Variants in CAMTA2 observed in about 807,000 individuals in gnomAD.
CAMTA2 encodes the protein calmodulin binding transcription activator 2.
In CAMTA2, 56 loss-of-function variants were observed where a neutral mutation model predicts 135.7. The ratio of observed to expected loss-of-function variants is 0.41; its 90% CI spans 0.33 to 0.52. CAMTA2 has a LOEUF of 0.52. Among genes scored for constraint, CAMTA2 ranks in the 20% least tolerant of loss-of-function variants. The probability of loss-of-function intolerance (pLI) is 0.16; values close to 1 mark genes in which losing one functional copy is unlikely to be tolerated. For synonymous variants in CAMTA2, 591 were observed against 604.6 expected, an observed-to-expected ratio of 0.98 and a Z score of 0.33; for missense variants, 1,358 against 1,553.4, an observed-to-expected ratio of 0.87 and a Z score of 2.11.
intron 6 of CAMTA2, 84 bp from the exon 7 acceptor site, chr17:4,981,915 AC>A: frequency 7.1e-7 from 1 of 1,400,568 alleles, no homozygotes; most frequent in Non-Finnish European, 9.7e-7. Flanking sequence ...CTTCCTGGGC[AC>A]CCTCCTAACC....
chr17:4,978,710 G>T, intron 9 of CAMTA2, 80 bp from the exon 10 acceptor site: 1 of 1,509,000 alleles, frequency 6.6e-7, no homozygotes, highest in Non-Finnish European at 9.0e-7. Flanking sequence ...GACCCTTACA[G>T]GGTATCTACT....
At position 4,979,706 on chromosome 17, in the gene CAMTA2, G is replaced by A; in HGVS notation, c.1616C>T (p.Ser539Phe). Reference sequence around the variant, plus strand: ...CACCTCTGGGTAGGACCACTCTGGGGAGAAGTCTGTGATGGTGCTAAGAGC... The same window carrying A: ...CACCTCTGGGTAGGACCACTCTGGGAAGAAGTCTGTGATGGTGCTAAGAGC... ...SPALSTITDF[S>F]PEWSYPEGGV... Residue 539 changes from serine (S) to phenylalanine (F), a missense_variant, in exon 9 of 23, where the codon TCC (serine) becomes TTC (phenylalanine). Physicochemically the swap from Ser to Phe is radical, Grantham distance 155 (BLOSUM62 -2). Around this residue, in one of 4 missense-constraint regions of CAMTA2, gnomAD observed 1,077 missense variants for 1,127.5 expected, o/e 0.96. Coordinates refer to ENST00000348066, the MANE Select transcript of CAMTA2 (RefSeq NM_015099.4). 6.2e-7 allele frequency: 1 copy of A among 1,613,702 alleles called. No individual in the cohort carries two copies. Among genetic ancestry groups the A allele is most frequent in the Non-Finnish European group, 8.5e-7 (1 of 1,179,740 alleles).
intron 7 of CAMTA2, 38 bp from the exon 8 acceptor site, chr17:4,981,397 GA>G (rs1972953276): frequency 6.2e-7 from 1 of 1,607,850 alleles, no homozygotes; most frequent in African/African-American, 1.3e-5. Flanking sequence ...GGATCCCCAC[GA>G]AACAGGCCCC....
chr17:4,974,230 T>G, intron 12 of CAMTA2, 155 bp downstream of exon 12: 1 of 598,522 alleles, frequency 1.7e-6, no homozygotes, highest in East Asian at 2.9e-5. Flanking sequence ...TGCCACAAGG[T>G]GGGGATGGGA....
In CAMTA2 at chr17:4,972,843, T is replaced by C; in HGVS notation, c.2429A>G (p.Glu810Gly). 6.2e-7 allele frequency: 1 copy of C among 1,613,838 alleles called. No individual in the cohort carries two copies. Among genetic ancestry groups the C allele is most frequent in the Non-Finnish European group, 8.5e-7 (1 of 1,180,014 alleles). ...CGAAGGCTCCTGTCTCTGTAGTTCC[T>C]CAAGGCAGCGGGCAAGGCGCACATG... ...RGHVRLARCL[E>G]ELQRQEPSVE... Residue 810 changes from glutamate (E) to glycine (G), a missense_variant, in exon 15 of 23, where the codon GAG becomes GGG. By Grantham distance (98) the Glu-to-Gly change is moderately conservative. This residue lies in a region of CAMTA2 where 1,077 missense variants were observed against 1,127.5 expected (regional missense o/e 0.96). Coordinates refer to ENST00000348066, the MANE Select transcript of CAMTA2 (RefSeq NM_015099.4).
rs1376249838 is a variant in CAMTA2 at position 4,980,890 on chromosome 17, T to TA, written c.701-270dup. On this transcript the variant is annotated intron_variant, in intron 8 of 22. Coordinates refer to ENST00000348066, the MANE Select transcript of CAMTA2 (RefSeq NM_015099.4). This position sits in a 1 kb window ranked among gnomAD's most constrained non-coding sequence, Gnocchi z 5.3. ...TGGGAGAGTAGCTAAAAGCAAAAGT[T>TA]AAAGGCATAGGAAAAGGACAAAAGA... 6.6e-6 allele frequency among the ~76,000 whole-genome samples: 1 copy of TA among 151,586 alleles called. No homozygotes were observed. Among genetic ancestry groups the TA allele is most frequent in the Non-Finnish European group, 1.5e-5 (1 of 67,844 alleles).
At position 4,968,536 on chromosome 17, in the gene CAMTA2, G is replaced by A. The variant is rs752090189; in HGVS notation, c.*220C>T. 15 of 598,964 alleles carry A rather than the reference G, an allele frequency of 2.5e-5. No individual in the cohort carries two copies. Among genetic ancestry groups the A allele is most frequent in the Non-Finnish European group, 4.5e-5 (15 of 335,688 alleles). 37.1% of individuals were successfully genotyped at this position (598,964 alleles called of 1,614,324 possible). A position where few individuals can be genotyped will look rare whatever the true frequency, so the allele number is the denominator to read the frequency against. ...GAAGATGCAGGTATGTGGGGCGCGG[G>A]TTTTCTGGAGCCAGGACCAAAAGAG... is the stretch of plus-strand genomic sequence containing the variant. On this transcript the variant is annotated 3_prime_UTR_variant, in exon 23 of 23. Transcript: ENST00000348066.
At position 4,970,008 on chromosome 17, in the gene CAMTA2, C is replaced by T. The variant is rs1284021157; in HGVS notation, c.3083G>A (p.Ser1028Asn). 1 of 1,614,078 alleles carries T rather than the reference C, an allele frequency of 6.2e-7. No individual in the cohort carries two copies. Among genetic ancestry groups the T allele is most frequent in the African/African-American group, 1.3e-5 (1 of 74,934 alleles). The change falls in exon 18 of 23, where the codon AGT (serine) becomes AAT (asparagine). Residue 1028 changes from serine (S) to asparagine (N), a missense_variant. Around this residue, in one of 4 missense-constraint regions of CAMTA2, gnomAD observed 9 missense variants for 27.9 expected, o/e 0.32. Transcript: ENST00000348066. The part of the protein sequence containing the change: ...SWAEFLSAST[S>N]GKMESDFALL... ...GGCAAAATCACTTTCCATCTTGCCA[C>T]TGGTGGATGCAGAGAGAAACTCTGC...
chr17:4,983,736 A>T (rs1257922295), intron 3 of CAMTA2: 1 of 151,814 alleles, frequency 6.6e-6, no homozygotes, highest in Non-Finnish European at 1.5e-5. Flanking sequence ...GGCACTTGCC[A>T]CCGTGCCCAG....
chr17:4,983,378 G>A (rs1006356124), intron 3 of CAMTA2: 2 of 223,598 alleles, frequency 8.9e-6, no homozygotes, highest in East Asian at 1.2e-4. Flanking sequence ...TGCCTCCCGG[G>A]TTCAAGCAAT....
In CAMTA2 at chr17:4,972,450, G is replaced by T. The variant is rs779694510; in HGVS notation, c.2590C>A (p.Pro864Thr). The T allele has an allele frequency of 6.2e-7, 1 of 1,613,554 alleles. No homozygotes were observed. The highest frequency in any genetic ancestry group is 1.7e-5 in the Admixed American group (1 of 59,892). ...SAYSSAPDGS[P>T]PPAPLPASEM... ...GAGGCTGGCAGAGGTGCAGGGGGGG[G>T]ACTGCCATCTGGGGCACTAGAATAG... is the stretch of plus-strand genomic sequence containing the variant. The change falls in exon 16 of 23, where the codon CCC (proline) becomes ACC (threonine). Residue 864 changes from proline to threonine, a missense_variant. Physicochemically the swap from Pro to Thr is conservative, Grantham distance 38. Transcript: ENST00000348066.
Position 4,969,607 on chromosome 17 carries a change from C to G in CAMTA2, c.3261+23G>C, listed in dbSNP as rs751729751. 6.2e-7 allele frequency: 1 copy of G among 1,614,030 alleles called. No homozygotes were observed. ...GTGGGTTGGTGGGTTGCTGGTTACA[C>G]TTTTGAGGGAGAAGGGTCTCACCTG... On this transcript the variant is annotated intron_variant, in intron 19 of 22. Coordinates refer to ENST00000348066, the MANE Select transcript of CAMTA2 (RefSeq NM_015099.4). This position sits in a 1 kb window ranked among gnomAD's most constrained non-coding sequence, Gnocchi z 5.6.
At position 4,987,579 on chromosome 17, in the gene CAMTA2, G is replaced by A. The variant is rs1286453538; in HGVS notation, c.-65+14C>T. On this transcript the variant is annotated intron_variant, in intron 1 of 22. Transcript: ENST00000348066. ...GCGGGGGCGGAGAGGCGGGCGAGAG[G>A]CCCTGGCTCTTACCTCCCGGGGTCC... The A allele has an allele frequency of 1.3e-6, 2 of 1,522,614 alleles. No individual in the cohort carries two copies. Among genetic ancestry groups the A allele is most frequent in the East Asian group, 2.6e-5 (1 of 39,204 alleles). 94.3% of individuals were successfully genotyped at this position (1,522,614 alleles called of 1,614,324 possible).
intron 14 of CAMTA2, 52 bp from the exon 15 acceptor site, chr17:4,973,043 G>A (rs755355824): frequency 7.8e-6 from 12 of 1,541,154 alleles, no homozygotes; most frequent in Non-Finnish European, 1.1e-5. Context: ...GAGGCCAGGG[G>A]CTCTTCCTCC....
At chr17:4,974,039 C>A in intron 12 of CAMTA2, 1 of 541,520 alleles carries the variant, frequency 1.8e-6, no homozygotes, top group Non-Finnish European at 3.3e-6. Flanking sequence ...GCTTCTCCCC[C>A]TCAGAAGCCA....
chr17:4,987,233 G>C, intron 1 of CAMTA2: 1 of 1,341,024 alleles, frequency 7.5e-7, no homozygotes, highest in Non-Finnish European at 9.5e-7. Flanking sequence ...TTGGCACTCT[G>C]GGCGGCCCCC....
rs1972226495 is a variant in CAMTA2, at chr17:4,970,620, T to A, written c.2809-84A>T. 2.6e-6 allele frequency: 3 copies of A among 1,157,448 alleles called. No individual in the cohort carries two copies. The South Asian group carries it at 3.9e-5, about 15-fold the overall frequency. 71.7% of individuals were successfully genotyped at this position (1,157,448 alleles called of 1,614,324 possible). A position where few individuals can be genotyped will look rare whatever the true frequency, so the allele number is the denominator to read the frequency against. ...CAGTCCATTCCTATCTTGTTCCTTC[T>A]CTCCCTGCCAGGTGCTGCTAACCCT... On this transcript the variant is annotated intron_variant, in intron 16 of 22. Coordinates refer to ENST00000348066, the MANE Select transcript of CAMTA2 (RefSeq NM_015099.4).
Position 4,980,684 on chromosome 17 carries a change from T to C in CAMTA2, c.701-63A>G. 2 of 1,273,186 alleles carry C rather than the reference T, an allele frequency of 1.6e-6. No individual in the cohort carries two copies. Among genetic ancestry groups the C allele is most frequent in the Non-Finnish European group, 2.3e-6 (2 of 881,152 alleles). The allele number at this position is 1,273,186 out of a possible 1,614,324, so 78.9% of individuals were successfully genotyped here. A position where few individuals can be genotyped will look rare whatever the true frequency, so the allele number is the denominator to read the frequency against. On this transcript the variant is annotated intron_variant, in intron 8 of 22. Transcript: ENST00000348066. The surrounding 1 kb of genome is among the most constrained non-coding windows in gnomAD (Gnocchi z 5.3). Reference sequence around the variant, plus strand: ...CACATCATTCCGCACCTTCTCTACCTTGAGGCCCTTAAAAGTATTTCCTGG... The same window carrying C: ...CACATCATTCCGCACCTTCTCTACCCTGAGGCCCTTAAAAGTATTTCCTGG...
rs747572133 is a variant in CAMTA2 at position 4,985,960 on chromosome 17, A to G, written c.55T>C (p.Phe19Leu). 11 of 1,613,714 alleles carry G rather than the reference A, an allele frequency of 6.8e-6. No individual in the cohort carries two copies. In the South Asian group the frequency reaches 1.1e-4, roughly 16 times the overall value. The change falls in exon 3 of 23, where the codon TTT (phenylalanine) becomes CTT (leucine). Residue 19 changes from phenylalanine (F) to leucine (L), a missense_variant. Phe to Leu is a conservative substitution (Grantham distance 22). Transcript: ENST00000348066. The stretch of plus-strand genomic sequence containing the variant: ...CACTCCAGCAGCTTCTTGGGGAGAA[A>G]GATCTTCAGGTGGTGGCTGTTTTCT... ...VAENSHHLKIFLPKKLLECLP... is the reference protein window; with the variant it reads ...VAENSHHLKILLPKKLLECLP...
Sources: allele counts gnomAD v4.1 joint callset (sites outside exome capture counted in the v4.1 genomes callset), GRCh38; gene constraint gnomAD v4.1.1; regional missense constraint gnomAD v4.1.1; non-coding constraint Gnocchi (gnomAD v3.1); transcripts MANE v1.5; gene names NCBI Gene and HGNC (gene_info 2026-07-23, HGNC 2026-07-21).